The following THSD7B variants were observed in gnomAD, a reference collection of about 807,000 sequenced individuals.
The protein encoded by THSD7B is thrombospondin type 1 domain containing 7B.
Under a neutral mutation model 213.6 loss-of-function variants are expected in THSD7B, and 138 were observed. The observed-to-expected ratio is 0.65, with a 90% CI of 0.56 to 0.74. The LOEUF (loss-of-function observed/expected upper bound fraction) is 0.74. THSD7B is among the 30% of genes least tolerant of loss of function. The probability of loss-of-function intolerance (pLI) is 0.00; values close to 1 mark genes in which losing one functional copy is unlikely to be tolerated. For missense variants in THSD7B, 1,931 were observed against 1,991.5 expected, an observed-to-expected ratio of 0.97 and a Z score of 0.58; for synonymous variants, 742 against 687.0, an observed-to-expected ratio of 1.08 and a Z score of -1.25.
intron 2 of THSD7B, among the ~76,000 whole-genome samples, chr2:136,925,063 TTG>T (rs905154750): frequency 6.6e-6 from 1 of 152,114 alleles, no homozygotes; most frequent in Non-Finnish European, 1.5e-5. Context: ...GTAAGAGTTT[TTG>T]TGTGTGTGTG....
intron 20 of THSD7B, among the ~76,000 whole-genome samples, chr2:137,634,173 A>G (rs1230465137): frequency 1.3e-5 from 2 of 152,114 alleles, no homozygotes; most frequent in African/African-American, 4.8e-5. Flanking sequence ...GTTAAGTGAC[A>G]TTGTACCCTA....
At chr2:137,224,795 CTTATT>C (rs1458207416) in intron 7 of THSD7B, among the ~76,000 whole-genome samples, 12 of 151,104 alleles carry the variant, frequency 7.9e-5, no homozygotes, top group Non-Finnish European at 1.3e-4. Context: ...CTTAGCTACT[CTTATT>C]ATATTATTGT....
intron 11 of THSD7B, among the ~76,000 whole-genome samples, chr2:137,274,994 A>G (rs1573927031): frequency 6.6e-6 from 1 of 152,054 alleles, no homozygotes; most frequent in South Asian, 2.1e-4. Context: ...AGTAGTTATC[A>G]GAGGTACTGG....
chr2:137,442,708 A>C (rs911081003), intron 14 of THSD7B, among the ~76,000 whole-genome samples: 5 of 152,116 alleles, frequency 3.3e-5, no homozygotes, highest in African/African-American at 9.7e-5. Context: ...GATCACACCA[A>C]ACTTCAAAGT....
At chr2:137,169,249 G>C (rs1039145703) in intron 6 of THSD7B, among the ~76,000 whole-genome samples, 58 of 148,250 alleles carry the variant, frequency 3.9e-4, no homozygotes, top group Non-Finnish European at 1.3e-4. Flanking sequence ...AAAATACTTA[G>C]TATTTTAGGT....
At chr2:136,940,711 G>GTA (rs59133386) in intron 2 of THSD7B, among the ~76,000 whole-genome samples, 2,395 of 138,112 alleles carry the variant, frequency 0.017, 71 homozygotes, top group African/African-American at 0.061. Context: ...GTGTGTGTGT[G>GTA]TATATATATA....
chr2:137,295,258 G>A (rs1482098548), intron 12 of THSD7B, among the ~76,000 whole-genome samples: 1 of 152,106 alleles, frequency 6.6e-6, no homozygotes, highest in Admixed American at 6.5e-5. Flanking sequence ...AATTGAATGA[G>A]TATTTAGTTT....
At chr2:137,602,505 T>C (rs1298188019) in intron 17 of THSD7B, among the ~76,000 whole-genome samples, 12 of 152,074 alleles carry the variant, frequency 7.9e-5, no homozygotes, top group Non-Finnish European at 1.5e-4. Context: ...CCTGACCTCG[T>C]GATCCACCCA....
At chr2:137,506,846 A>G (rs140852828) in intron 15 of THSD7B, among the ~76,000 whole-genome samples, 58 of 152,328 alleles carry the variant, frequency 3.8e-4, no homozygotes, top group African/African-American at 1.3e-3. Flanking sequence ...AATAGTAAAA[A>G]TATCTGAATC....
At chr2:137,441,814 G>A (rs954041425) in intron 14 of THSD7B, among the ~76,000 whole-genome samples, 4 of 151,914 alleles carry the variant, frequency 2.6e-5, no homozygotes, top group Admixed American at 6.6e-5. Context: ...AATGAGAAAA[G>A]GCACCCAAAT....
intron 3 of THSD7B, among the ~76,000 whole-genome samples, chr2:137,076,526 C>G (rs889446980): frequency 2.0e-5 from 3 of 152,256 alleles, no homozygotes; most frequent in African/African-American, 7.2e-5. Flanking sequence ...TTCCCTGACC[C>G]CTTGTGCTTC....
At chr2:136,788,488 G>A (rs950876839) in intron 1 of THSD7B, among the ~76,000 whole-genome samples, 66 of 152,256 alleles carry the variant, frequency 4.3e-4, no homozygotes, top group African/African-American at 1.6e-3. Context: ...TTCAACTGAA[G>A]TATAAATGTC....
intron 2 of THSD7B, among the ~76,000 whole-genome samples, chr2:136,927,536 A>G (rs13426777): frequency 0.18 from 26,790 of 152,228 alleles, 2,429 homozygotes; most frequent in East Asian, 0.28. Context: ...CCATTGTTCA[A>G]TGTTGAACAG....
chr2:137,176,795 G>A (rs2105001023), intron 7 of THSD7B, among the ~76,000 whole-genome samples: 1 of 152,262 alleles, frequency 6.6e-6, no homozygotes. Flanking sequence ...AGTTGAAATA[G>A]CCTGGAGGTG....
chr2:136,797,577 T>G (rs1241420163), intron 1 of THSD7B, among the ~76,000 whole-genome samples: 1 of 152,012 alleles, frequency 6.6e-6, no homozygotes, highest in African/African-American at 2.4e-5. Flanking sequence ...ATGTTGTTCA[T>G]GGTCTTTTTG....
chr2:137,555,759 A>T (rs919029378), intron 15 of THSD7B, among the ~76,000 whole-genome samples: 2 of 152,144 alleles, frequency 1.3e-5, no homozygotes, highest in African/African-American at 2.4e-5. Context: ...TAAAGGAAGA[A>T]ATTTGAACCC....
intron 5 of THSD7B, among the ~76,000 whole-genome samples, chr2:137,141,780 T>C (rs1022938876): frequency 6.6e-6 from 1 of 152,020 alleles, no homozygotes; most frequent in African/African-American, 2.4e-5. Flanking sequence ...ATAACAGTGA[T>C]AAAACACTCC....
In THSD7B at chr2:137,589,455, C is replaced by T. The variant is rs572528079; in HGVS notation, c.3423+16899C>T. Among the ~76,000 whole-genome samples, 6 of 152,170 alleles carry T rather than the reference C, an allele frequency of 3.9e-5. 1 individual carries two copies. In the South Asian group the frequency reaches 1.2e-3, roughly 32 times the overall value. On this transcript the variant is annotated intron_variant, in intron 17 of 27. Coordinates refer to ENST00000409968, the MANE Select transcript of THSD7B (RefSeq NM_001316349.2). ...TTTTTAAAATTCAACCCTTTCCTTA[C>T]ATATAGTTGTGAAATTTTGTGATTT... is the stretch of plus-strand genomic sequence containing the variant.
intron 12 of THSD7B, 129 bp downstream of exon 12, chr2:137,276,155 A>G: frequency 1.5e-6 from 1 of 682,252 alleles, no homozygotes. Flanking sequence ...ATATTTATTG[A>G]TGTTAAATAT....
Sources: gnomAD v4.1 joint callset for allele counts (sites outside exome capture counted in the v4.1 genomes callset) on GRCh38, gnomAD v4.1.1 for gene constraint, MANE v1.5 for transcripts, NCBI Gene and HGNC (gene_info 2026-07-23, HGNC 2026-07-21) for gene names.